TG: variants seen among roughly 807,000 people sequenced by gnomAD.
TG encodes the protein thyroid hormones.
Under a neutral mutation model 324.7 loss-of-function variants are expected in TG, and 270 were observed. The ratio of observed to expected loss-of-function variants is 0.83; its 90% CI spans 0.75 to 0.92. TG has a LOEUF of 0.92. Among genes scored for constraint, TG ranks in the 40% least tolerant of loss-of-function variants. TG has a pLI of 0.00. For missense variants in TG, 3,591 were observed against 3,456.4 expected, an observed-to-expected ratio of 1.04 and a Z score of -0.98; for synonymous variants, 1,401 against 1,327.0, an observed-to-expected ratio of 1.06 and a Z score of -1.21.
At chr8:133,127,981 C>T (rs547142288) in intron 45 of TG, among the ~76,000 whole-genome samples, 3 of 152,258 alleles carry the variant, frequency 2.0e-5, no homozygotes, top group South Asian at 2.1e-4. Context: ...TCCTCTCTCT[C>T]GGTTTCCATA....
chr8:133,013,166 T>G (rs180892660), intron 36 of TG, among the ~76,000 whole-genome samples: 8 of 152,360 alleles, frequency 5.3e-5, no homozygotes, highest in African/African-American at 1.9e-4. Flanking sequence ...GAAAGTAGAT[T>G]GATCAGAGGG....
At chr8:132,933,727 G>C in intron 24 of TG, 51 bp downstream of exon 24, 1 of 1,554,916 alleles carries the variant, frequency 6.4e-7, no homozygotes, top group Non-Finnish European at 8.9e-7. Flanking sequence ...CTGTGGATCA[G>C]ATGTGCTCTG....
intron 44 of TG, 137 bp downstream of exon 44, chr8:133,113,740 T>C (rs1259707716): frequency 1.9e-6 from 2 of 1,030,698 alleles, no homozygotes; most frequent in Non-Finnish European, 2.8e-6. Flanking sequence ...TCATTCAGCC[T>C]ACAGCATGGG....
At chr8:132,961,905 A>G (rs1007061413) in intron 28 of TG, among the ~76,000 whole-genome samples, 2 of 152,200 alleles carry the variant, frequency 1.3e-5, no homozygotes, top group Non-Finnish European at 2.9e-5. Context: ...CAGACTTGGA[A>G]TGATGGGATG....
intron 11 of TG, among the ~76,000 whole-genome samples, chr8:132,894,305 G>A (rs955282328): frequency 6.6e-6 from 1 of 152,112 alleles, no homozygotes; most frequent in African/African-American, 2.4e-5. Flanking sequence ...CAGCAGGAGG[G>A]GAGAGGAAGC....
At chr8:132,984,941 A>G (rs1373065732) in intron 35 of TG, among the ~76,000 whole-genome samples, 1 of 151,920 alleles carries the variant, frequency 6.6e-6, no homozygotes, top group East Asian at 1.9e-4. Context: ...TCTCAAAAAA[A>G]AAAAAAAAGC....
At chr8:132,969,096 C>A (rs1466386126) in intron 31 of TG, among the ~76,000 whole-genome samples, 2 of 126,630 alleles carry the variant, frequency 1.6e-5, no homozygotes, top group Admixed American at 1.4e-4. Context: ...GCCACCTTCA[C>A]CCCCAGGGCT....
intron 41 of TG, among the ~76,000 whole-genome samples, chr8:133,062,480 C>T (rs993269895): frequency 1.3e-5 from 2 of 152,254 alleles, no homozygotes; most frequent in Non-Finnish European, 2.9e-5. Flanking sequence ...CTCCCCGGTG[C>T]CGGGCCCTGG....
intron 3 of TG, among the ~76,000 whole-genome samples, chr8:132,870,497 T>C (rs1839384730): frequency 1.3e-5 from 2 of 151,216 alleles, no homozygotes; most frequent in African/African-American, 2.4e-5. Context: ...CTGCCTTGTA[T>C]GATGTGAGGA....
At chr8:133,060,647 T>C (rs1194610694) in intron 41 of TG, among the ~76,000 whole-genome samples, 2 of 152,230 alleles carry the variant, frequency 1.3e-5, no homozygotes, top group African/African-American at 4.8e-5. Context: ...TACTTTCTGC[T>C]GCTACTTTTT....
chr8:133,040,032 G>T (rs375750625), intron 41 of TG: 4 of 1,551,858 alleles, frequency 2.6e-6, no homozygotes, highest in East Asian at 2.4e-5. Context: ...GTCTTCTGAC[G>T]CAAGGTGACA....
At position 132,900,354 on chromosome 8, in the gene TG, C is replaced by A; in HGVS notation, c.3433+15C>A. ...CAGTGCCCAGTGTGAGTAGCAGCCC[C>A]TCCTGGCATGGCTTCTCACCTCTTC... On this transcript the variant is annotated intron_variant, in intron 15 of 47. Transcript: ENST00000220616. The A allele has an allele frequency of 1.2e-6, 2 of 1,603,944 alleles. No individual in the cohort carries two copies. Among genetic ancestry groups the A allele is most frequent in the Non-Finnish European group, 1.7e-6 (2 of 1,175,354 alleles).
At chr8:132,929,318 C>T (rs1308211835) in intron 23 of TG, 126 bp downstream of exon 23, 12 of 751,766 alleles carry the variant, frequency 1.6e-5, no homozygotes, top group South Asian at 1.3e-4. Context: ...ATCAAAAACA[C>T]TATAAATGAA....
intron 47 of TG, 58 bp from the exon 48 acceptor site, chr8:133,134,618 C>A: frequency 6.9e-7 from 1 of 1,455,592 alleles, no homozygotes; most frequent in Non-Finnish European, 9.6e-7. Context: ...AAGGAAGGGA[C>A]CAGAGAAGAG....
At chr8:133,059,160 G>T (rs745854995) in intron 41 of TG, 104 of 456,218 alleles carry the variant, frequency 2.3e-4, no homozygotes, top group African/African-American at 1.9e-3. Flanking sequence ...GGGCGGTGCT[G>T]CAGGGGCTGC....
chr8:133,111,594 G>T (rs1203407272), intron 43 of TG, among the ~76,000 whole-genome samples: 1 of 152,144 alleles, frequency 6.6e-6, no homozygotes, highest in African/African-American at 2.4e-5. Context: ...ACTAGACTAG[G>T]GTAGAATAGA....
Position 133,083,055 on chromosome 8 carries a change from C to T in TG, c.7240-11989C>T, listed in dbSNP as rs544220655. ...GGAGGGAGAGCGATGAGTAGGCAGG[C>T]CTAGTTGCTATAGAAATAGTTCTGG... is the stretch of plus-strand genomic sequence containing the variant. On this transcript the variant is annotated intron_variant, in intron 41 of 47. Transcript: ENST00000220616. Among the ~76,000 whole-genome samples, 6 of 152,286 alleles carry T rather than the reference C, an allele frequency of 3.9e-5. No homozygotes were observed. In the South Asian group the frequency reaches 6.2e-4, roughly 16 times the overall value.
In TG at chr8:132,913,159, C is replaced by T. The variant is rs1819774202; in HGVS notation, c.4272C>T (p.Phe1424=). Residue 1424 remains phenylalanine, a synonymous_variant, in exon 20 of 48, where the codon TTC becomes TTT. Coordinates refer to ENST00000220616, the MANE Select transcript of TG (RefSeq NM_003235.5). ...SKTFPAETIR[F]LQGDHFGTSP... ...CGTTCCCAGCGGAAACCATCCGCTT[C>T]CTCCAAGGGGACCACTTTGGCACCT... 1 of 1,614,194 alleles carries T rather than the reference C, an allele frequency of 6.2e-7. No individual in the cohort carries two copies. Among genetic ancestry groups the T allele is most frequent in the Non-Finnish European group, 8.5e-7 (1 of 1,180,042 alleles).
chr8:133,029,037 G>C (rs1836370499), intron 40 of TG, among the ~76,000 whole-genome samples: 1 of 152,134 alleles, frequency 6.6e-6, no homozygotes, highest in African/African-American at 2.4e-5. Flanking sequence ...AGTCAGAAAG[G>C]AAGAATGGGA....
Sources: gnomAD v4.1 joint callset for allele counts (sites outside exome capture counted in the v4.1 genomes callset) on GRCh38, gnomAD v4.1.1 for gene constraint, MANE v1.5 for transcripts, NCBI Gene and HGNC (gene_info 2026-07-23, HGNC 2026-07-21) for gene names.